The following PRKCQ variants were observed in gnomAD, a reference collection of about 807,000 sequenced individuals.
The protein encoded by PRKCQ is protein kinase C theta.
In PRKCQ, 41 loss-of-function variants were observed where a neutral mutation model predicts 91.2. The observed-to-expected ratio is 0.45, with a 90% CI of 0.35 to 0.58. The LOEUF is 0.58. Ranked by LOEUF, PRKCQ falls within the 20% of genes least tolerant of loss-of-function variation. The pLI is 0.00. For synonymous variants in PRKCQ, 307 were observed against 316.9 expected (o/e 0.97, Z 0.33); for missense variants, 673 against 896.5 (o/e 0.75, Z 3.18).
At chr10:6,549,394 A>G (rs1840093705) in intron 1 of PRKCQ, among the ~76,000 whole-genome samples, 1 of 152,166 alleles carries the variant, frequency 6.6e-6, no homozygotes, top group African/African-American at 2.4e-5. Flanking sequence ...TAAAGCAAGA[A>G]GTCTGGGCAA....
chr10:6,444,262 G>C (rs903966342), intron 15 of PRKCQ, among the ~76,000 whole-genome samples: 5 of 151,980 alleles, frequency 3.3e-5, no homozygotes, highest in African/African-American at 1.2e-4. Flanking sequence ...GTAGAGACAG[G>C]GTTTCACATG....
chr10:6,551,598 A>G (rs1840185929), intron 1 of PRKCQ, among the ~76,000 whole-genome samples: 1 of 152,044 alleles, frequency 6.6e-6, no homozygotes, highest in East Asian at 1.9e-4. Context: ...GGGTTTCACC[A>G]TGTTAACCAG....
At chr10:6,447,754 C>T (rs2132278725) in intron 15 of PRKCQ, among the ~76,000 whole-genome samples, 1 of 152,320 alleles carries the variant, frequency 6.6e-6, no homozygotes, top group Non-Finnish European at 1.5e-5. Context: ...TTCTCTGCCT[C>T]ACCTAGTCGG....
chr10:6,496,549 ATAAT>A (rs1837614753), intron 7 of PRKCQ, among the ~76,000 whole-genome samples: 1 of 152,190 alleles, frequency 6.6e-6, no homozygotes, highest in Admixed American at 6.5e-5. Context: ...TTATTCTCAT[ATAAT>A]TAATCTAAAC....
At chr10:6,505,410 TTC>T (rs2130842654) in intron 4 of PRKCQ, among the ~76,000 whole-genome samples, 1 of 141,728 alleles carries the variant, frequency 7.1e-6, no homozygotes, top group South Asian at 2.2e-4. Flanking sequence ...TCTCCTTTCT[TTC>T]TTTCTTTCCT....
chr10:6,556,018 A>G (rs969845861), intron 1 of PRKCQ, among the ~76,000 whole-genome samples: 1 of 152,200 alleles, frequency 6.6e-6, no homozygotes, highest in Non-Finnish European at 1.5e-5. Context: ...CAAAAAACCA[A>G]CAAACAACAA....
At chr10:6,412,375 C>T in the PRKCQ span, among the ~76,000 whole-genome samples, 1 of 152,162 alleles carries the variant, frequency 6.6e-6, no homozygotes, top group African/African-American at 2.4e-5. Context: ...ATAAAAATAT[C>T]AAAAGGGAGT....
chr10:6,569,412 T>C (rs1230491090), intron 1 of PRKCQ, among the ~76,000 whole-genome samples: 2 of 151,578 alleles, frequency 1.3e-5, no homozygotes, highest in African/African-American at 4.9e-5. Flanking sequence ...AGGCTCAGAC[T>C]TGGAGGAACC....
chr10:6,401,550 T>A, the PRKCQ span, among the ~76,000 whole-genome samples: 1 of 151,922 alleles, frequency 6.6e-6, no homozygotes, highest in African/African-American at 2.4e-5. Context: ...TCGTGCTTTG[T>A]ATAGTAACCC....
the PRKCQ span, among the ~76,000 whole-genome samples, chr10:6,415,908 G>T: frequency 6.6e-6 from 1 of 151,944 alleles, no homozygotes; most frequent in Non-Finnish European, 1.5e-5. Flanking sequence ...AACATGCTTG[G>T]CTAATTTTTT....
At chr10:6,490,627 C>T (rs1313038846) in intron 8 of PRKCQ, among the ~76,000 whole-genome samples, 6 of 151,622 alleles carry the variant, frequency 4.0e-5, no homozygotes, top group African/African-American at 7.3e-5. Context: ...TGCCCATGGT[C>T]CCAGCTACTT....
intron 1 of PRKCQ, among the ~76,000 whole-genome samples, chr10:6,575,568 G>C (rs1427266169): frequency 6.6e-6 from 1 of 152,144 alleles, no homozygotes; most frequent in Non-Finnish European, 1.5e-5. Flanking sequence ...TGTGTGAGTT[G>C]TATTTCCTCC....
At chr10:6,538,796 T>G (rs971008334) in intron 1 of PRKCQ, among the ~76,000 whole-genome samples, 8 of 152,196 alleles carry the variant, frequency 5.3e-5, no homozygotes, top group Non-Finnish European at 8.8e-5. Context: ...ATTTATTCAT[T>G]TATTTATTTT....
At chr10:6,464,202 G>A in intron 13 of PRKCQ, 111 bp downstream of exon 13, 1 of 895,604 alleles carries the variant, frequency 1.1e-6, no homozygotes, top group Non-Finnish European at 1.8e-6. Context: ...TATTCCCAAG[G>A]GTTCACCTGG....
chr10:6,555,733 G>A (rs1219963527), intron 1 of PRKCQ, among the ~76,000 whole-genome samples: 3 of 152,116 alleles, frequency 2.0e-5, no homozygotes, highest in Non-Finnish European at 4.4e-5. Context: ...GGGCCAGGTG[G>A]GCACGGTAGC....
At chr10:6,542,216 G>C (rs1394122572) in intron 1 of PRKCQ, among the ~76,000 whole-genome samples, 1 of 152,136 alleles carries the variant, frequency 6.6e-6, no homozygotes, top group Non-Finnish European at 1.5e-5. Context: ...TAAAATGAGG[G>C]CCTAGAGATT....
chr10:6,458,825 T>C (rs998823280), intron 14 of PRKCQ, among the ~76,000 whole-genome samples: 2 of 152,194 alleles, frequency 1.3e-5, no homozygotes, highest in Admixed American at 6.5e-5. Context: ...AAATATAATC[T>C]TAAGGTTCTT....
chr10:6,553,689 T>C (rs749762533), intron 1 of PRKCQ, among the ~76,000 whole-genome samples: 20 of 152,048 alleles, frequency 1.3e-4, no homozygotes, highest in Admixed American at 1.1e-3. Flanking sequence ...TGGGAACATA[T>C]TTGAGAGTTT....
At chr10:6,488,584 A>G (rs781627068) in intron 8 of PRKCQ, among the ~76,000 whole-genome samples, 1 of 152,078 alleles carries the variant, frequency 6.6e-6, no homozygotes, top group African/African-American at 2.4e-5. Flanking sequence ...GGGTTTCGCC[A>G]TGTTGGCCAG....
Sources: gnomAD v4.1 joint callset for allele counts (sites outside exome capture counted in the v4.1 genomes callset) on GRCh38, gnomAD v4.1.1 for gene constraint, MANE v1.5 for transcripts, NCBI Gene and HGNC (gene_info 2026-07-23, HGNC 2026-07-21) for gene names.